SCN4B: variants seen among roughly 807,000 people sequenced by gnomAD.
SCN4B encodes sodium voltage-gated channel beta subunit 4, also known as sodium channel regulatory subunit beta-4.
SCN4B carries 20 observed loss-of-function variants against 19.6 expected under a neutral mutation model. The ratio of observed to expected loss-of-function variants is 1.02; its 90% CI spans 0.72 to 1.48. The LOEUF (loss-of-function observed/expected upper bound fraction) is 1.48. Among genes scored for constraint, SCN4B ranks in the 40% most tolerant of loss-of-function variants. The probability of loss-of-function intolerance (pLI) is 0.00; values close to 1 mark genes in which losing one functional copy is unlikely to be tolerated. For synonymous variants in SCN4B, 127 were observed against 122.8 expected, an observed-to-expected ratio of 1.03 and a Z score of -0.22; for missense variants, 271 against 287.5, an observed-to-expected ratio of 0.94 and a Z score of 0.42.
At chr11:118,137,175 G>T in intron 4 of SCN4B, 55 bp from the exon 5 acceptor site, 1 of 1,347,914 alleles carries the variant, frequency 7.4e-7, no homozygotes, top group Non-Finnish European at 1.1e-6. Context: ...AGTAGGGGGA[G>T]AATTGTGGCA....
chr11:118,152,278 AC>A (rs1013143739), intron 1 of SCN4B, among the ~76,000 whole-genome samples: 5 of 151,616 alleles, frequency 3.3e-5, no homozygotes, highest in Non-Finnish European at 5.9e-5. Flanking sequence ...CAAGGCACGG[AC>A]CCCCCTCCTC....
intron 3 of SCN4B, chr11:118,143,001 CA>C (rs1164074334): frequency 6.6e-6 from 1 of 152,272 alleles, no homozygotes. Flanking sequence ...GACTCAGTGT[CA>C]TCCAGGAGAG....
Position 118,136,925 on chromosome 11 carries a change from G to C in SCN4B, c.*102C>G. ...CCGGAAAGACTACAGTTTGAGCCAA[G>C]CAGCAGATGTCTCAGGCACGTGGGT... On this transcript the variant is annotated 3_prime_UTR_variant, in exon 5 of 5. Transcript: ENST00000324727. The C allele has an allele frequency of 1.3e-6, 1 of 798,334 alleles. No individual in the cohort carries two copies. Among genetic ancestry groups the C allele is most frequent in the Non-Finnish European group, 2.2e-6 (1 of 460,032 alleles). 49.5% of individuals were successfully genotyped at this position (798,334 alleles called of 1,614,324 possible). A position where few individuals can be genotyped will look rare whatever the true frequency, so the allele number is the denominator to read the frequency against.
chr11:118,150,363 G>C (rs138243837), intron 1 of SCN4B, among the ~76,000 whole-genome samples: 2 of 152,140 alleles, frequency 1.3e-5, no homozygotes, highest in African/African-American at 2.4e-5. Context: ...TTGATACGGG[G>C]AGAGGGGAAG....
intron 3 of SCN4B, among the ~76,000 whole-genome samples, 198 bp downstream of exon 3, chr11:118,143,635 T>G (rs1166807934): frequency 1.1e-5 from 1 of 89,418 alleles, no homozygotes; most frequent in Non-Finnish European, 2.3e-5. Flanking sequence ...TAGAGAGTAT[T>G]TCATAAGCTA....
rs749087787 is a variant in SCN4B at position 118,134,141 on chromosome 11, CCTCT to C, written c.*2882_*2885del. The C allele has an allele frequency of 2.4e-5, 11 of 454,300 alleles. No individual in the cohort carries two copies. Among genetic ancestry groups the C allele is most frequent in the South Asian group, 1.7e-4 (11 of 64,480 alleles). 28.1% of individuals were successfully genotyped at this position (454,300 alleles called of 1,614,324 possible). A position where few individuals can be genotyped will look rare whatever the true frequency, so the allele number is the denominator to read the frequency against. ...AGCCCCATCGGCTGCTCTCCCCAGGCCTCTCTAACATCAGGGGTTTATTCGGGCT... is the reference window on the plus strand; with the variant it reads ...AGCCCCATCGGCTGCTCTCCCCAGGCCTAACATCAGGGGTTTATTCGGGCT... On this transcript the variant is annotated 3_prime_UTR_variant, in exon 5 of 5. Coordinates refer to ENST00000324727, the MANE Select transcript of SCN4B (RefSeq NM_174934.4).
chr11:118,141,396 G>A, intron 3 of SCN4B, 60 bp from the exon 4 acceptor site: 1 of 1,607,760 alleles, frequency 6.2e-7, no homozygotes, highest in Non-Finnish European at 8.5e-7. Context: ...TCAACCTGGA[G>A]CCGAGAACTG....
At position 118,152,687 on chromosome 11, in the gene SCN4B, C is replaced by A; in HGVS notation, c.-14G>T. On this transcript the variant is annotated 5_prime_UTR_variant, in exon 1 of 5. Coordinates refer to ENST00000324727, the MANE Select transcript of SCN4B (RefSeq NM_174934.4). The stretch of plus-strand genomic sequence containing the variant: ...AGCCCCGGGCATAGTCCTGTTCTCT[C>A]CGGAGCGCGCGGGGGTCGCGGGGAT... 6.3e-7 allele frequency: 1 copy of A among 1,580,704 alleles called. No individual in the cohort carries two copies. The highest frequency in any genetic ancestry group is 8.7e-7 in the Non-Finnish European group (1 of 1,155,966).
chr11:118,139,503 G>A (rs1439477933), intron 4 of SCN4B, among the ~76,000 whole-genome samples: 1 of 151,964 alleles, frequency 6.6e-6, no homozygotes, highest in East Asian at 1.9e-4. Context: ...TTAGTTAAAG[G>A]CAGAATCTCA....
At chr11:118,146,194 C>A (rs994509582) in intron 1 of SCN4B, among the ~76,000 whole-genome samples, 29 of 152,214 alleles carry the variant, frequency 1.9e-4, no homozygotes, top group African/African-American at 7.0e-4. Context: ...CTTCGAACCT[C>A]CGCCCCAGCA....
chr11:118,143,021 T>TC (rs1024123046), intron 3 of SCN4B: 1 of 152,238 alleles, frequency 6.6e-6, no homozygotes, highest in African/African-American at 2.4e-5. Context: ...AGCAGCAAAC[T>TC]CCCGGTACAC....
chr11:118,151,122 GCACACA>G (rs3837425), intron 1 of SCN4B, among the ~76,000 whole-genome samples: 65,341 of 149,098 alleles, frequency 0.44, 14,189 homozygotes, highest in African/African-American at 0.49. Flanking sequence ...TTACACACGT[GCACACA>G]CACACACACA....
In SCN4B at chr11:118,134,346, CA is replaced by C; in HGVS notation, c.*2680del. 2.2e-6 allele frequency: 1 copy of C among 454,098 alleles called. No homozygotes were observed. The highest frequency in any genetic ancestry group is 2.3e-5 in the Admixed American group (1 of 42,586). 28.1% of individuals were successfully genotyped at this position (454,098 alleles called of 1,614,324 possible). ...TTTGTAAGTGGCTCTCTCTAGCCCA[CA>C]AGCCCTGGAAGCCACCATCAGAGAT... On this transcript the variant is annotated 3_prime_UTR_variant, in exon 5 of 5. Coordinates refer to ENST00000324727, the MANE Select transcript of SCN4B (RefSeq NM_174934.4).
chr11:118,150,394 G>A (rs892208172), intron 1 of SCN4B, among the ~76,000 whole-genome samples: 2 of 152,148 alleles, frequency 1.3e-5, no homozygotes, highest in African/African-American at 4.8e-5. Context: ...GGAGTTCACT[G>A]CTCTGTACCC....
Position 118,136,210 on chromosome 11 carries a change from G to A in SCN4B, c.*817C>T, listed in dbSNP as rs1225844907. 1 of 453,776 alleles carries A rather than the reference G, an allele frequency of 2.2e-6. No homozygotes were observed. The highest frequency in any genetic ancestry group is 4.4e-6 in the Non-Finnish European group (1 of 226,688). 28.1% of individuals were successfully genotyped at this position (453,776 alleles called of 1,614,324 possible). A position where few individuals can be genotyped will look rare whatever the true frequency, so the allele number is the denominator to read the frequency against. ...TGGGGCGGGCATCCCAGAGGCCCAGGACACTGGCTCACTACCTCTGTGGCC... is the reference window on the plus strand; with the variant it reads ...TGGGGCGGGCATCCCAGAGGCCCAGAACACTGGCTCACTACCTCTGTGGCC... On this transcript the variant is annotated 3_prime_UTR_variant, in exon 5 of 5. Transcript: ENST00000324727.
At position 118,135,514 on chromosome 11, in the gene SCN4B, C is replaced by G. The variant is rs1188262010; in HGVS notation, c.*1513G>C. On this transcript the variant is annotated 3_prime_UTR_variant, in exon 5 of 5. Coordinates refer to ENST00000324727, the MANE Select transcript of SCN4B (RefSeq NM_174934.4). ...TTGTTACCACTTTTCCCTGCCATCCCTGGCCTCACCAATTCTGCCCAACAA... is the reference window on the plus strand; with the variant it reads ...TTGTTACCACTTTTCCCTGCCATCCGTGGCCTCACCAATTCTGCCCAACAA... 2.2e-6 allele frequency: 1 copy of G among 454,106 alleles called. No individual in the cohort carries two copies. Among genetic ancestry groups the G allele is most frequent in the Non-Finnish European group, 4.4e-6 (1 of 226,788 alleles). The allele number at this position is 454,106 out of a possible 1,614,324, so 28.1% of individuals were successfully genotyped here. A position where few individuals can be genotyped will look rare whatever the true frequency, so the allele number is the denominator to read the frequency against.
In SCN4B at chr11:118,133,745, C is replaced by T. The variant is rs1947950260; in HGVS notation, c.*3282G>A. On this transcript the variant is annotated 3_prime_UTR_variant, in exon 5 of 5. Transcript: ENST00000324727. ...AAGTTATAGGATTTTCCCGAGAAGTCCCCGCTCCTGGAACTCCCTACTGCC... is the reference window on the plus strand; with the variant it reads ...AAGTTATAGGATTTTCCCGAGAAGTTCCCGCTCCTGGAACTCCCTACTGCC... 2.2e-6 allele frequency: 1 copy of T among 454,548 alleles called. No individual in the cohort carries two copies. Among genetic ancestry groups the T allele is most frequent in the Non-Finnish European group, 4.4e-6 (1 of 226,796 alleles). The allele number at this position is 454,548 out of a possible 1,614,324, so 28.2% of individuals were successfully genotyped here.
rs199543144 is a variant in SCN4B, at chr11:118,141,229, G to A, written c.571C>T (p.Leu191=). 1 of 1,612,996 alleles carries A rather than the reference G, an allele frequency of 6.2e-7. No homozygotes were observed. Among genetic ancestry groups the A allele is most frequent in the East Asian group, 2.2e-5 (1 of 44,882 alleles). ...CACTTCTTCTCCCGAGTCTTCTTCA[G>A]GATGAAGATGATGAGTTTCTTGATC... is the stretch of plus-strand genomic sequence containing the variant. ...LLIKKLIIFI[L]KKTREKKKEC... Residue 191 remains leucine (L), a synonymous_variant, in exon 4 of 5, where the codon CTG becomes TTG. Transcript: ENST00000324727.
At chr11:118,147,399 G>T (rs1471084128) in intron 1 of SCN4B, among the ~76,000 whole-genome samples, 1 of 152,070 alleles carries the variant, frequency 6.6e-6, no homozygotes, top group East Asian at 1.9e-4. Context: ...AAACAAATGA[G>T]GAAACAGGCT....
Sources: allele counts gnomAD v4.1 joint callset (sites outside exome capture counted in the v4.1 genomes callset), GRCh38; gene constraint gnomAD v4.1.1; transcripts MANE v1.5; gene names NCBI Gene and HGNC (gene_info 2026-07-23, HGNC 2026-07-21).